NFAM1: variants seen among roughly 807,000 people sequenced by gnomAD.
The protein encoded by NFAM1 is NFAT activating protein with ITAM motif 1.
NFAM1 carries 17 observed loss-of-function variants against 29.0 expected under a neutral mutation model. The observed-to-expected ratio is 0.59, with a 90% CI of 0.40 to 0.88. The LOEUF is 0.88. Ranked by LOEUF, NFAM1 falls within the 40% of genes least tolerant of loss-of-function variation. The pLI, the probability that NFAM1 is intolerant of heterozygous loss-of-function variation, is 0.00. For missense variants in NFAM1, 324 were observed against 344.6 expected, an observed-to-expected ratio of 0.94 and a Z score of 0.47; for synonymous variants, 175 against 147.2, an observed-to-expected ratio of 1.19 and a Z score of -1.36.
chr22:42,424,226 T>C (rs780532195), intron 1 of NFAM1, among the ~76,000 whole-genome samples: 19 of 152,080 alleles, frequency 1.2e-4, no homozygotes, highest in Non-Finnish European at 2.2e-4. Context: ...CCATCCTGGC[T>C]AACACGGTGA....
At chr22:42,424,132 A>T (rs1001289130) in intron 1 of NFAM1, among the ~76,000 whole-genome samples, 2 of 149,396 alleles carry the variant, frequency 1.3e-5, no homozygotes, top group African/African-American at 4.9e-5. Flanking sequence ...AAACAAACAC[A>T]TGGCTGGGCG....
At chr22:42,398,020 C>T (rs1929591622) in intron 3 of NFAM1, 64 bp from the exon 4 acceptor site, 1 of 837,068 alleles carries the variant, frequency 1.2e-6, no homozygotes. Flanking sequence ...CGCACAGACC[C>T]CCCAGGGGAA....
rs1190821416 is a variant in NFAM1, at chr22:42,419,745, T to C, written c.122-8009A>G. On this transcript the variant is annotated intron_variant, in intron 1 of 5. Transcript: ENST00000329021. The surrounding 1 kb of genome is among the most constrained non-coding windows in gnomAD (Gnocchi z 4.5). ...TCTCCTGGGCTTTGGGGTCCCCCTC[T>C]GTCTCCAGGACATGCTCACTTCCTC... is the stretch of plus-strand genomic sequence containing the variant. Among the ~76,000 whole-genome samples the C allele has an allele frequency of 6.6e-6, 1 of 152,196 alleles. No individual in the cohort carries two copies. The highest frequency in any genetic ancestry group is 2.4e-5 in the African/African-American group (1 of 41,454).
upstream of NFAM1, chr22:42,436,811 G>A (rs1025868991): frequency 3.8e-5 from 7 of 183,688 alleles, no homozygotes; most frequent in Non-Finnish European, 5.2e-5. Context: ...GCCACACAGC[G>A]AAGACGCAGT....
At chr22:42,392,963 C>T (rs894397175) in intron 4 of NFAM1, among the ~76,000 whole-genome samples, 1 of 152,024 alleles carries the variant, frequency 6.6e-6, no homozygotes, top group African/African-American at 2.4e-5. Context: ...CCATGCCTGG[C>T]TAATTTTTGT....
At chr22:42,403,224 G>A (rs999655519) in intron 3 of NFAM1, among the ~76,000 whole-genome samples, 5 of 152,212 alleles carry the variant, frequency 3.3e-5, no homozygotes, top group African/African-American at 7.2e-5. Flanking sequence ...CCCAGCTCAA[G>A]CTCGCAGAGG....
Position 42,409,316 on chromosome 22 carries a change from CTG to C in NFAM1, c.564+117_564+118del. The C allele has an allele frequency of 2.0e-6, 1 of 508,268 alleles. No individual in the cohort carries two copies. Among genetic ancestry groups the C allele is most frequent in the Middle Eastern group, 4.2e-4 (1 of 2,386 alleles). The allele number at this position is 508,268 out of a possible 1,614,324, so 31.5% of individuals were successfully genotyped here. A position where few individuals can be genotyped will look rare whatever the true frequency, so the allele number is the denominator to read the frequency against. On this transcript the variant is annotated intron_variant, in intron 3 of 5. Transcript: ENST00000329021. This position sits in a 1 kb window ranked among gnomAD's most constrained non-coding sequence, Gnocchi z 4.9. ...TGGTGCAAGGGGCCACGAGGGCCAC[CTG>C]TTACAGATGTGGATGTGCCCTCACC...
At chr22:42,415,755 T>C (rs915997150) in intron 1 of NFAM1, among the ~76,000 whole-genome samples, 1 of 152,044 alleles carries the variant, frequency 6.6e-6, no homozygotes, top group African/African-American at 2.4e-5. Context: ...CTAGAAGCGG[T>C]CCCCCGTGAA....
the NFAM1 span, among the ~76,000 whole-genome samples, chr22:42,437,839 T>A: frequency 1.3e-5 from 2 of 151,634 alleles, no homozygotes. Context: ...GAACCAAGAG[T>A]GTGCCGGCGG....
upstream of NFAM1, among the ~76,000 whole-genome samples, chr22:42,432,595 C>G (rs1429502551): frequency 6.6e-6 from 1 of 152,208 alleles, no homozygotes; most frequent in Non-Finnish European, 1.5e-5. Context: ...CCTCCCCACT[C>G]CAACCCCTGG....
intron 3 of NFAM1, among the ~76,000 whole-genome samples, chr22:42,398,386 TTATTATTATTA>T (rs753648280): frequency 0.063 from 5,987 of 94,838 alleles, 198 homozygotes; most frequent in Middle Eastern, 0.14. Flanking sequence ...GTTTTATTTA[TTATTATTATTA>T]TTATTATTAT....
intron 3 of NFAM1, among the ~76,000 whole-genome samples, chr22:42,401,938 G>A (rs893857161): frequency 3.3e-5 from 5 of 152,200 alleles, no homozygotes; most frequent in Non-Finnish European, 5.9e-5. Context: ...CCAGGTCCTC[G>A]CATGCATTTA....
chr22:42,394,688 G>A (rs1184104818), intron 4 of NFAM1, among the ~76,000 whole-genome samples: 3 of 152,172 alleles, frequency 2.0e-5, no homozygotes, highest in African/African-American at 7.2e-5. Context: ...TCCACCCAAA[G>A]AAGGAAGACT....
At position 42,419,674 on chromosome 22, in the gene NFAM1, C is replaced by T. The variant is rs555269693; in HGVS notation, c.122-7938G>A. Among the ~76,000 whole-genome samples the T allele has an allele frequency of 2.0e-5, 3 of 152,290 alleles. No homozygotes were observed. Among genetic ancestry groups the T allele is most frequent in the South Asian group, 4.1e-4 (2 of 4,828 alleles). On this transcript the variant is annotated intron_variant, in intron 1 of 5. Transcript: ENST00000329021. This position sits in a 1 kb window ranked among gnomAD's most constrained non-coding sequence, Gnocchi z 4.5. The stretch of plus-strand genomic sequence containing the variant: ...TCAGCCTGCCACACTCCGGCGCCTT[C>T]GCCCGTGCTGTTCCGGCTGTGCGGA...
chr22:42,402,763 C>T (rs987123987), intron 3 of NFAM1, among the ~76,000 whole-genome samples: 2 of 151,874 alleles, frequency 1.3e-5, no homozygotes, highest in Admixed American at 6.6e-5. Context: ...CGATTGCTGC[C>T]TTCTCAAGAG....
At chr22:42,434,756 G>C (rs1304910067), upstream of NFAM1, among the ~76,000 whole-genome samples, 1 of 152,244 alleles carries the variant, frequency 6.6e-6, no homozygotes, top group African/African-American at 2.4e-5. Flanking sequence ...GGAATGAGGA[G>C]GCTCTGTGGG....
intron 3 of NFAM1, among the ~76,000 whole-genome samples, chr22:42,398,382 T>TTTATTA (rs202112713): frequency 0.11 from 13,371 of 125,146 alleles, 678 homozygotes; most frequent in East Asian, 0.2. Flanking sequence ...CTTGGTTTTA[T>TTTATTA]TTATTATTAT....
intron 4 of NFAM1, among the ~76,000 whole-genome samples, 198 bp from the exon 5 acceptor site, chr22:42,387,276 C>A (rs1929183151): frequency 6.6e-6 from 1 of 152,158 alleles, no homozygotes; most frequent in Admixed American, 6.5e-5. Flanking sequence ...GCTGACCCCT[C>A]TCTGTTCTCG....
chr22:42,425,531 T>C lies in NFAM1; in HGVS notation c.121+6706A>G, dbSNP rs191389459. On this transcript the variant is annotated intron_variant, in intron 1 of 5. Transcript: ENST00000329021. Reference sequence around the variant, plus strand: ...TGTCCTCCCCTCCTTACCCTTCCACTTCCTCCACCCTGCCAGCTCCCTCCT... The same window carrying C: ...TGTCCTCCCCTCCTTACCCTTCCACCTCCTCCACCCTGCCAGCTCCCTCCT... Among the ~76,000 whole-genome samples the C allele has an allele frequency of 3.1e-3, 478 of 152,114 alleles. 4 individuals are homozygous for C. The highest frequency in any genetic ancestry group is 0.011 in the African/African-American group (452 of 41,522).
Sources: allele counts gnomAD v4.1 joint callset (sites outside exome capture counted in the v4.1 genomes callset), GRCh38; gene constraint gnomAD v4.1.1; non-coding constraint Gnocchi (gnomAD v3.1); transcripts MANE v1.5; gene names NCBI Gene and HGNC (gene_info 2026-07-23, HGNC 2026-07-21).